Variants in POU3F2 observed in about 807,000 individuals in gnomAD.
POU3F2 encodes the protein POU class 3 homeobox 2.
Under a neutral mutation model 33.1 loss-of-function variants are expected in POU3F2, and 11 were observed. That is an observed-to-expected ratio of 0.33 (90% CI 0.21 to 0.55). The LOEUF (loss-of-function observed/expected upper bound fraction) is 0.55, where lower values mean the gene tolerates loss of function less well. POU3F2 is among the 20% of genes least tolerant of loss of function. POU3F2 has a pLI of 0.91. For missense variants in POU3F2, 456 were observed against 620.2 expected (o/e 0.74, Z 2.81); for synonymous variants, 332 against 289.6 (o/e 1.15, Z -1.49).
In POU3F2 at chr6:98,834,888, G is replaced by C; in HGVS notation, c.15G>C (p.Ala5=). 6.3e-7 allele frequency: 1 copy of C among 1,599,230 alleles called. No homozygotes were observed. The highest frequency in any genetic ancestry group is 1.1e-5 in the South Asian group (1 of 91,058). The part of the protein sequence containing the change: MATA[A]SNHYSLLTSS... ...CTCCGAGAGTCATGGCGACCGCAGC[G>C]TCTAACCACTACAGCCTGCTCACCT... The change falls in exon 1 of 1, where the codon GCG becomes GCC. Residue 5 remains alanine, a synonymous_variant. Coordinates refer to ENST00000328345, the MANE Select transcript of POU3F2 (RefSeq NM_005604.4).
rs749593813 is a variant in POU3F2 at position 98,835,956 on chromosome 6, C to G, written c.1083C>G (p.Ile361Met). Reference protein sequence around the residue: ...QGRKRKKRTSIEVSVKGALES... With the variant: ...QGRKRKKRTSMEVSVKGALES... ...GCAAGCGGAAAAAGCGGACCTCCAT[C>G]GAGGTGAGCGTCAAGGGGGCTCTGG... is the stretch of plus-strand genomic sequence containing the variant. The change falls in exon 1 of 1, where the codon ATC becomes ATG. Residue 361 changes from isoleucine (I) to methionine (M), a missense_variant. Around this residue, in one of 6 missense-constraint regions of POU3F2, gnomAD observed 48 missense variants for 96.0 expected, o/e 0.50. Transcript: ENST00000328345. The surrounding 1 kb of genome is among the most constrained non-coding windows in gnomAD (Gnocchi z 9.7). 6.2e-7 allele frequency: 1 copy of G among 1,614,210 alleles called. No individual in the cohort carries two copies. Among genetic ancestry groups the G allele is most frequent in the Non-Finnish European group, 8.5e-7 (1 of 1,180,040 alleles).
Position 98,838,532 on chromosome 6 carries a change from T to C in POU3F2, c.*2327T>C, listed in dbSNP as rs1208268730. 3 of 166,700 alleles carry C rather than the reference T, an allele frequency of 1.8e-5. No individual in the cohort carries two copies. The highest frequency in any genetic ancestry group is 7.2e-5 in the African/African-American group (3 of 41,442). The allele number at this position is 166,700 out of a possible 1,614,324, so 10.3% of individuals were successfully genotyped here. A position where few individuals can be genotyped will look rare whatever the true frequency, so the allele number is the denominator to read the frequency against. On this transcript the variant is annotated 3_prime_UTR_variant, in exon 1 of 1. Transcript: ENST00000328345. ...AATGCTACCCAGGGAAATATTTTCA[T>C]ATCATTTTTAAGTGGCCTGCCTCAA...
Position 98,836,334 on chromosome 6 carries a change from C to A in POU3F2, c.*129C>A, listed in dbSNP as rs528372381. The stretch of plus-strand genomic sequence containing the variant: ...ATTTTTAATTATTATTTCCCCGTCC[C>A]TTAAAAAGACAAAAAAAATAAGGCA... On this transcript the variant is annotated 3_prime_UTR_variant, in exon 1 of 1. Coordinates refer to ENST00000328345, the MANE Select transcript of POU3F2 (RefSeq NM_005604.4). 3.3e-6 allele frequency: 4 copies of A among 1,217,970 alleles called. No individual in the cohort carries two copies. The East Asian group carries it at 1.1e-4, about 35-fold the overall frequency. The allele number at this position is 1,217,970 out of a possible 1,614,324, so 75.4% of individuals were successfully genotyped here.
Position 98,835,104 on chromosome 6 carries a change from CGGG to C in POU3F2, c.237_239del (p.Gly88del). The C allele has an allele frequency of 9.7e-7, 1 of 1,028,738 alleles. No individual in the cohort carries two copies. Among genetic ancestry groups the C allele is most frequent in the Non-Finnish European group, 1.2e-6 (1 of 842,388 alleles). The allele number at this position is 1,028,738 out of a possible 1,614,324, so 63.7% of individuals were successfully genotyped here. A position where few individuals can be genotyped will look rare whatever the true frequency, so the allele number is the denominator to read the frequency against. ...GCGGCGGCGGGGGCGGTGGCGGCGG[CGGG>C]GGGGGCGGGGGCGGCGGCGGGGGCG... On this transcript the variant is annotated inframe_deletion, in exon 1 of 1. Transcript: ENST00000328345. This position sits in a 1 kb window ranked among gnomAD's most constrained non-coding sequence, Gnocchi z 9.7.
chr6:98,838,506 T>TA lies in POU3F2; in HGVS notation c.*2303dup, dbSNP rs1179243592. On this transcript the variant is annotated 3_prime_UTR_variant, in exon 1 of 1. Transcript: ENST00000328345. Reference sequence around the variant, plus strand: ...TTCTTTGTCTATTTTTCTTTTTTTTTAATGCTACCCAGGGAAATATTTTCA... The same window carrying TA: ...TTCTTTGTCTATTTTTCTTTTTTTTTAAATGCTACCCAGGGAAATATTTTCA... The TA allele has an allele frequency of 1.2e-5, 2 of 166,734 alleles. No homozygotes were observed. Among genetic ancestry groups the TA allele is most frequent in the Admixed American group, 1.3e-4 (2 of 15,280 alleles). 10.3% of individuals were successfully genotyped at this position (166,734 alleles called of 1,614,324 possible). A position where few individuals can be genotyped will look rare whatever the true frequency, so the allele number is the denominator to read the frequency against.
chr6:98,836,165 A>C lies in POU3F2; in HGVS notation c.1292A>C (p.Asp431Ala), dbSNP rs769802686. 1 of 1,590,784 alleles carries C rather than the reference A, an allele frequency of 6.3e-7. No homozygotes were observed. The highest frequency in any genetic ancestry group is 1.9e-5 in the Admixed American group (1 of 51,560). The change falls in exon 1 of 1, where the codon GAC (aspartate) becomes GCC (alanine). Residue 431 changes from aspartate (D) to alanine (A), a missense_variant. Around this residue, in one of 6 missense-constraint regions of POU3F2, gnomAD observed 46 missense variants for 45.6 expected, o/e 1.01. Coordinates refer to ENST00000328345, the MANE Select transcript of POU3F2 (RefSeq NM_005604.4). Reference protein sequence around the residue: ...GAEDVYGGSRDTPPHHGVQTP... With the variant: ...GAEDVYGGSRATPPHHGVQTP... ...GAGGATGTGTACGGGGGGAGTAGGG[A>C]CACTCCACCACACCACGGGGTGCAG...
chr6:98,834,645 G>A lies in POU3F2; in HGVS notation c.-229G>A, dbSNP rs1364847965. 3 of 569,582 alleles carry A rather than the reference G, an allele frequency of 5.3e-6. No individual in the cohort carries two copies. Among genetic ancestry groups the A allele is most frequent in the Admixed American group, 3.1e-5 (1 of 32,128 alleles). The allele number at this position is 569,582 out of a possible 1,614,324, so 35.3% of individuals were successfully genotyped here. A position where few individuals can be genotyped will look rare whatever the true frequency, so the allele number is the denominator to read the frequency against. On this transcript the variant is annotated 5_prime_UTR_variant, in exon 1 of 1. Coordinates refer to ENST00000328345, the MANE Select transcript of POU3F2 (RefSeq NM_005604.4). ...GAGAGTGAGCGAGAGCGAGAAGGAGGGAGAGGAGGAGAAAGAGAGCGAGGG... is the reference window on the plus strand; with the variant it reads ...GAGAGTGAGCGAGAGCGAGAAGGAGAGAGAGGAGGAGAAAGAGAGCGAGGG...
At position 98,836,151 on chromosome 6, in the gene POU3F2, C is replaced by T; in HGVS notation, c.1278C>T (p.Tyr426=). The change falls in exon 1 of 1, where the codon TAC becomes TAT. Residue 426 remains tyrosine (Y), a synonymous_variant. Coordinates refer to ENST00000328345, the MANE Select transcript of POU3F2 (RefSeq NM_005604.4). ...GGTLPGAEDV[Y]GGSRDTPPHH... ...CTCTGCCGGGCGCCGAGGATGTGTACGGGGGGAGTAGGGACACTCCACCAC... is the reference window on the plus strand; with the variant it reads ...CTCTGCCGGGCGCCGAGGATGTGTATGGGGGGAGTAGGGACACTCCACCAC... 4 of 1,603,540 alleles carry T rather than the reference C, an allele frequency of 2.5e-6. No homozygotes were observed. The highest frequency in any genetic ancestry group is 3.4e-6 in the Non-Finnish European group (4 of 1,177,478).
Position 98,834,774 on chromosome 6 carries a change from A to C in POU3F2, c.-100A>C. 7.6e-7 allele frequency: 1 copy of C among 1,317,982 alleles called. No individual in the cohort carries two copies. The highest frequency in any genetic ancestry group is 1.0e-6 in the Non-Finnish European group (1 of 970,506). The allele number at this position is 1,317,982 out of a possible 1,614,324, so 81.6% of individuals were successfully genotyped here. On this transcript the variant is annotated 5_prime_UTR_variant, in exon 1 of 1. Coordinates refer to ENST00000328345, the MANE Select transcript of POU3F2 (RefSeq NM_005604.4). ...AGCTGCCCGCTGTGGGAGAGAGAGG[A>C]GACAGAAAGAGCGAGCGAGGAGAGG...
In POU3F2 at chr6:98,835,244, T is replaced by TGCAGCA. The variant is rs746235009; in HGVS notation, c.378_383dup (p.Gln126_Gln127dup). 6 of 1,541,064 alleles carry TGCAGCA rather than the reference T, an allele frequency of 3.9e-6. No individual in the cohort carries two copies. The highest frequency in any genetic ancestry group is 1.2e-5 in the South Asian group (1 of 83,268). On this transcript the variant is annotated inframe_insertion, in exon 1 of 1. Transcript: ENST00000328345. The surrounding 1 kb of genome is among the most constrained non-coding windows in gnomAD (Gnocchi z 9.7). ...GACGAGCTGCACGGGCCAGGCGCCC[T>TGCAGCA]GCAGCAGCAGCATCAGCAGCAGCAA...
rs1769999462 is a variant in POU3F2, at chr6:98,836,371, A to G, written c.*166A>G. 1 of 858,868 alleles carries G rather than the reference A, an allele frequency of 1.2e-6. No individual in the cohort carries two copies. The highest frequency in any genetic ancestry group is 1.7e-6 in the Non-Finnish European group (1 of 583,116). 53.2% of individuals were successfully genotyped at this position (858,868 alleles called of 1,614,324 possible). Reference sequence around the variant, plus strand: ...AAAAAAATAAGGCAAAAGGAAAGCAACTAAGACACTGGACTATCCTTTAAA... The same window carrying G: ...AAAAAAATAAGGCAAAAGGAAAGCAGCTAAGACACTGGACTATCCTTTAAA... On this transcript the variant is annotated 3_prime_UTR_variant, in exon 1 of 1. Transcript: ENST00000328345.
Position 98,836,180 on chromosome 6 carries a change from A to G in POU3F2, c.1307A>G (p.His436Arg), listed in dbSNP as rs534153465. The change falls in exon 1 of 1, where the codon CAC becomes CGC. Residue 436 changes from histidine (H) to arginine (R), a missense_variant. Transcript: ENST00000328345. Reference sequence around the variant, plus strand: ...GGGAGTAGGGACACTCCACCACACCACGGGGTGCAGACGCCCGTCCAGTGA... The same window carrying G: ...GGGAGTAGGGACACTCCACCACACCGCGGGGTGCAGACGCCCGTCCAGTGA... Reference protein sequence around the residue: ...YGGSRDTPPHHGVQTPVQ With the variant: ...YGGSRDTPPHRGVQTPVQ The G allele has an allele frequency of 1.2e-4, 184 of 1,584,194 alleles. 3 individuals carry two copies. The South Asian group carries it at 2.0e-3, about 17-fold the overall frequency.
chr6:98,837,648 T>A lies in POU3F2; in HGVS notation c.*1443T>A, dbSNP rs1393107342. Reference sequence around the variant, plus strand: ...CACCACTTTGACTTGGACAGCTTTCTGCCCCCTCTTTCACTAAGGAAGGCA... The same window carrying A: ...CACCACTTTGACTTGGACAGCTTTCAGCCCCCTCTTTCACTAAGGAAGGCA... On this transcript the variant is annotated 3_prime_UTR_variant, in exon 1 of 1. Coordinates refer to ENST00000328345, the MANE Select transcript of POU3F2 (RefSeq NM_005604.4). The A allele has an allele frequency of 6.0e-6, 1 of 165,604 alleles. No individual in the cohort carries two copies. The highest frequency in any genetic ancestry group is 1.5e-5 in the Non-Finnish European group (1 of 67,952). The allele number at this position is 165,604 out of a possible 1,614,324, so 10.3% of individuals were successfully genotyped here. A position where few individuals can be genotyped will look rare whatever the true frequency, so the allele number is the denominator to read the frequency against.
chr6:98,837,347 G>C lies in POU3F2; in HGVS notation c.*1142G>C, dbSNP rs1280692068. Reference sequence around the variant, plus strand: ...ACATATCTTCAGATATCCCTATATAGTTCTCTACCTTCAGTTTTAGTAACA... The same window carrying C: ...ACATATCTTCAGATATCCCTATATACTTCTCTACCTTCAGTTTTAGTAACA... On this transcript the variant is annotated 3_prime_UTR_variant, in exon 1 of 1. Transcript: ENST00000328345. 6.0e-6 allele frequency: 1 copy of C among 166,952 alleles called. No individual in the cohort carries two copies. Among genetic ancestry groups the C allele is most frequent in the Non-Finnish European group, 1.5e-5 (1 of 68,110 alleles). 10.3% of individuals were successfully genotyped at this position (166,952 alleles called of 1,614,324 possible).
Position 98,837,791 on chromosome 6 carries a change from ACT to A in POU3F2, c.*1589_*1590del, listed in dbSNP as rs1465075733. 3.6e-5 allele frequency: 6 copies of A among 166,980 alleles called. No individual in the cohort carries two copies. The highest frequency in any genetic ancestry group is 2.1e-4 in the South Asian group (1 of 4,822). 10.3% of individuals were successfully genotyped at this position (166,980 alleles called of 1,614,324 possible). On this transcript the variant is annotated 3_prime_UTR_variant, in exon 1 of 1. Transcript: ENST00000328345. Reference sequence around the variant, plus strand: ...AAACGGTTAACTCCAAACACAAAAGACTCTACTGGAAAGTGTAGGTGAAAAAA... The same window carrying A: ...AAACGGTTAACTCCAAACACAAAAGACTACTGGAAAGTGTAGGTGAAAAAA...
rs1582334239 is a variant in POU3F2, at chr6:98,835,176, G to C, written c.303G>C (p.Pro101=). Residue 101 remains proline (P), a synonymous_variant, in exon 1 of 1, where the codon CCG becomes CCC. Transcript: ENST00000328345. This position sits in a 1 kb window ranked among gnomAD's most constrained non-coding sequence, Gnocchi z 9.7. ...SPWSTSPLGQ[P]DIKPSVVVQQ... ...GGTCCACCAGCCCCCTGGGCCAGCC[G>C]GACATCAAGCCCTCGGTGGTGGTGC... 1 of 1,481,574 alleles carries C rather than the reference G, an allele frequency of 6.7e-7. No individual in the cohort carries two copies. The highest frequency in any genetic ancestry group is 2.3e-5 in the Admixed American group (1 of 43,752). 91.8% of individuals were successfully genotyped at this position (1,481,574 alleles called of 1,614,324 possible).
rs1034116649 is a variant in POU3F2 at position 98,837,241 on chromosome 6, C to G, written c.*1036C>G. On this transcript the variant is annotated 3_prime_UTR_variant, in exon 1 of 1. Coordinates refer to ENST00000328345, the MANE Select transcript of POU3F2 (RefSeq NM_005604.4). The stretch of plus-strand genomic sequence containing the variant: ...CAGGCGGGCCCATTGTGAAAGAGCT[C>G]AGGGGAAATGTGGAGGTTAAATATA... 1.2e-5 allele frequency: 2 copies of G among 166,972 alleles called. No homozygotes were observed. Among genetic ancestry groups the G allele is most frequent in the Admixed American group, 6.6e-5 (1 of 15,266 alleles). 10.3% of individuals were successfully genotyped at this position (166,972 alleles called of 1,614,324 possible).
rs887160381 is a variant in POU3F2, at chr6:98,837,220, C to T, written c.*1015C>T. The T allele has an allele frequency of 6.0e-6, 1 of 166,974 alleles. No homozygotes were observed. The highest frequency in any genetic ancestry group is 2.4e-5 in the African/African-American group (1 of 41,384). The allele number at this position is 166,974 out of a possible 1,614,324, so 10.3% of individuals were successfully genotyped here. A position where few individuals can be genotyped will look rare whatever the true frequency, so the allele number is the denominator to read the frequency against. The stretch of plus-strand genomic sequence containing the variant: ...TGACTGATTGCTTCATTTTATCAGG[C>T]GGGCCCATTGTGAAAGAGCTCAGGG... On this transcript the variant is annotated 3_prime_UTR_variant, in exon 1 of 1. Transcript: ENST00000328345.
chr6:98,836,221 G>A lies in POU3F2; in HGVS notation c.*16G>A, dbSNP rs1460546676. 1.9e-6 allele frequency: 3 copies of A among 1,553,470 alleles called. No individual in the cohort carries two copies. In the Admixed American group the frequency reaches 6.9e-5, roughly 36 times the overall value. On this transcript the variant is annotated 3_prime_UTR_variant, in exon 1 of 1. Coordinates refer to ENST00000328345, the MANE Select transcript of POU3F2 (RefSeq NM_005604.4). Reference sequence around the variant, plus strand: ...CGTCCAGTGAACTCGAGCTGGGGGAGGGGCAGAGCGCGGGGCTCCCCCTCC... The same window carrying A: ...CGTCCAGTGAACTCGAGCTGGGGGAAGGGCAGAGCGCGGGGCTCCCCCTCC...
Sources: allele counts gnomAD v4.1 joint callset, GRCh38; gene constraint gnomAD v4.1.1; regional missense constraint gnomAD v4.1.1; non-coding constraint Gnocchi (gnomAD v3.1); transcripts MANE v1.5; gene names NCBI Gene and HGNC (gene_info 2026-07-23, HGNC 2026-07-21).